The following CDC5L variants were observed in gnomAD, a reference collection of about 807,000 sequenced individuals.
CDC5L encodes cell division cycle 5-like protein.
A neutral mutation model predicts 104.1 loss-of-function variants in CDC5L; 18 were observed. The observed-to-expected ratio is 0.17, with a 90% CI of 0.12 to 0.26. The LOEUF (loss-of-function observed/expected upper bound fraction) is 0.26, where lower values mean the gene tolerates loss of function less well. Among genes scored for constraint, CDC5L ranks in the 10% least tolerant of loss-of-function variants. The pLI is 1.00. For synonymous variants in CDC5L, 331 were observed against 322.7 expected, an observed-to-expected ratio of 1.03 and a Z score of -0.28; for missense variants, 673 against 956.9, an observed-to-expected ratio of 0.70 and a Z score of 3.91.
chr6:44,436,861 C>T (rs1156266637), intron 14 of CDC5L, among the ~76,000 whole-genome samples: 1 of 152,162 alleles, frequency 6.6e-6, no homozygotes, highest in African/African-American at 2.4e-5. Context: ...GAAGTTTACC[C>T]TTTCATATTT....
At chr6:44,402,470 T>C (rs1258761420) in intron 5 of CDC5L, among the ~76,000 whole-genome samples, 9 of 152,230 alleles carry the variant, frequency 5.9e-5, no homozygotes, top group Admixed American at 3.9e-4. Flanking sequence ...ATATATGTAA[T>C]TTTCACCATT....
chr6:44,398,272 G>A (rs1270735388), intron 5 of CDC5L, among the ~76,000 whole-genome samples: 1 of 152,076 alleles, frequency 6.6e-6, no homozygotes, highest in Non-Finnish European at 1.5e-5. Context: ...TAAGTACTGT[G>A]AGTAAGGTTG....
rs11571963 is a variant in CDC5L at position 44,407,610 on chromosome 6, G to A, written c.904-834G>A. Among the ~76,000 whole-genome samples the A allele has an allele frequency of 1.5e-3, 221 of 152,294 alleles. 3 individuals are homozygous for A. The East Asian group carries it at 0.04, about 28-fold the overall frequency. ...GCCTCCCAAAGTGCTGGGATTATAG[G>A]CATGAGCCACCGTGCCCAGCTAACC... On this transcript the variant is annotated intron_variant, in intron 7 of 15. Transcript: ENST00000371477.
chr6:44,428,927 G>C (rs1256924667), intron 13 of CDC5L, among the ~76,000 whole-genome samples: 1 of 151,890 alleles, frequency 6.6e-6, no homozygotes, highest in Non-Finnish European at 1.5e-5. Context: ...GGCACACCCA[G>C]TGGTGCCATT....
intron 13 of CDC5L, among the ~76,000 whole-genome samples, chr6:44,427,244 G>GT (rs901569791): frequency 6.6e-6 from 1 of 152,148 alleles, no homozygotes; most frequent in Admixed American, 6.5e-5. Flanking sequence ...TATGAAGTCT[G>GT]TATCTGGTCT....
chr6:44,395,166 C>T (rs941751703), intron 4 of CDC5L, among the ~76,000 whole-genome samples: 5 of 151,840 alleles, frequency 3.3e-5, no homozygotes, highest in East Asian at 1.9e-4. Context: ...TGGGTACAAA[C>T]GTAGATGGAA....
chr6:44,424,730 T>A, intron 11 of CDC5L, 147 bp downstream of exon 11: 2 of 649,458 alleles, frequency 3.1e-6, no homozygotes, highest in Non-Finnish European at 5.2e-6. Context: ...CTTATGTCAT[T>A]AATAATGTAT....
At chr6:44,408,166 A>G (rs1324351854) in intron 7 of CDC5L, among the ~76,000 whole-genome samples, 1 of 152,178 alleles carries the variant, frequency 6.6e-6, no homozygotes, top group Non-Finnish European at 1.5e-5. Flanking sequence ...AAAAAAGATG[A>G]GTACTACTGT....
In CDC5L at chr6:44,391,628, C is replaced by A. The variant is rs541745398; in HGVS notation, c.150-1039C>A. On this transcript the variant is annotated intron_variant, in intron 2 of 15. Transcript: ENST00000371477. ...TTGGCATGAGTTATTTAGCACCATC[C>A]CCAAGTCATGTGGCATTAGGAAAAT... Among the ~76,000 whole-genome samples the A allele has an allele frequency of 7.9e-5, 12 of 152,222 alleles. No homozygotes were observed. In the South Asian group the frequency reaches 2.5e-3, roughly 32 times the overall value.
At chr6:44,395,678 A>G (rs1052557073) in intron 4 of CDC5L, among the ~76,000 whole-genome samples, 15 of 152,230 alleles carry the variant, frequency 9.9e-5, no homozygotes, top group African/African-American at 3.1e-4. Flanking sequence ...CTTCTCCTGT[A>G]TATACTGAGT....
At position 44,436,067 on chromosome 6, in the gene CDC5L, C is replaced by T. The variant is rs114459995; in HGVS notation, c.2091+6157C>T. ...TGCTGGGATTACAGGTGTGAGCCAC[C>T]GTGCCCAGCCGAGTAATTGTTTTTA... is the stretch of plus-strand genomic sequence containing the variant. On this transcript the variant is annotated intron_variant, in intron 14 of 15. Transcript: ENST00000371477. 7.8e-3 allele frequency among the ~76,000 whole-genome samples: 1,180 copies of T among 152,134 alleles called. 8 individuals are homozygous for T. The highest frequency in any genetic ancestry group is 0.013 in the Non-Finnish European group (863 of 67,996).
intron 5 of CDC5L, among the ~76,000 whole-genome samples, chr6:44,397,556 A>T (rs1444878096): frequency 6.6e-6 from 1 of 152,144 alleles, no homozygotes; most frequent in African/African-American, 2.4e-5. Flanking sequence ...CAGTATGTTG[A>T]GTGTGTTCTG....
Position 44,398,620 on chromosome 6 carries a change from A to G in CDC5L, c.539+2180A>G, listed in dbSNP as rs565897889. Among the ~76,000 whole-genome samples, 87 of 152,344 alleles carry G rather than the reference A, an allele frequency of 5.7e-4. 1 individual carries two copies. The South Asian group carries it at 0.017, about 30-fold the overall frequency. The stretch of plus-strand genomic sequence containing the variant: ...CAGTTTTTTATTGATTATAAAAGTA[A>G]CACATTTTTCCTTCTAGTATTGTTA... On this transcript the variant is annotated intron_variant, in intron 5 of 15. Coordinates refer to ENST00000371477, the MANE Select transcript of CDC5L (RefSeq NM_001253.4).
intron 1 of CDC5L, among the ~76,000 whole-genome samples, chr6:44,389,668 A>C (rs1031291652): frequency 2.0e-5 from 3 of 151,800 alleles, no homozygotes; most frequent in Admixed American, 6.6e-5. Context: ...TGAGATGTGG[A>C]TTCTTGGGTC....
At chr6:44,421,736 T>C (rs1229444752) in intron 9 of CDC5L, among the ~76,000 whole-genome samples, 4 of 152,244 alleles carry the variant, frequency 2.6e-5, no homozygotes, top group Non-Finnish European at 4.4e-5. Flanking sequence ...TTAGGTATTA[T>C]AAGTAACCTA....
chr6:44,407,625 C>T (rs1467854542), intron 7 of CDC5L, among the ~76,000 whole-genome samples: 1 of 152,172 alleles, frequency 6.6e-6, no homozygotes, highest in Non-Finnish European at 1.5e-5. Context: ...AGCCACCGTG[C>T]CCAGCTAACC....
rs201975446 is a variant in CDC5L, at chr6:44,404,879, A to C, written c.758+852A>C. Among the ~76,000 whole-genome samples the C allele has an allele frequency of 4.6e-5, 7 of 151,944 alleles. No individual in the cohort carries two copies. In the East Asian group the frequency reaches 1.4e-3, roughly 30 times the overall value. On this transcript the variant is annotated intron_variant, in intron 6 of 15. Transcript: ENST00000371477. ...GGCTAATTTTTTATTTTTTGTAGAGAGGTGGGTCTTGCCATGTTATCCATG... is the reference window on the plus strand; with the variant it reads ...GGCTAATTTTTTATTTTTTGTAGAGCGGTGGGTCTTGCCATGTTATCCATG...
Position 44,422,826 on chromosome 6 carries a change from T to G in CDC5L, c.1404+17T>G, listed in dbSNP as rs1792250378. 1 of 1,564,266 alleles carries G rather than the reference T, an allele frequency of 6.4e-7. No homozygotes were observed. Among genetic ancestry groups the G allele is most frequent in the African/African-American group, 1.4e-5 (1 of 72,376 alleles). On this transcript the variant is annotated intron_variant, in intron 10 of 15. Transcript: ENST00000371477. ...AAGCAGATGGTAAATGTCAATTCCC[T>G]TTTAATACTCTTAAATTTTTTTTTA...
At chr6:44,431,929 G>A (rs1308212896) in intron 14 of CDC5L, among the ~76,000 whole-genome samples, 1 of 152,168 alleles carries the variant, frequency 6.6e-6, no homozygotes, top group Non-Finnish European at 1.5e-5. Context: ...TATTCATAAA[G>A]CAGTCTGAAG....
Sources: gnomAD v4.1 joint callset for allele counts (sites outside exome capture counted in the v4.1 genomes callset) on GRCh38, gnomAD v4.1.1 for gene constraint, MANE v1.5 for transcripts, NCBI Gene and HGNC (gene_info 2026-07-23, HGNC 2026-07-21) for gene names.